The following DLX5 variants were observed in gnomAD, a reference collection of about 807,000 sequenced individuals.
DLX5 encodes homeobox protein DLX-5.
Under a neutral mutation model 27.1 loss-of-function variants are expected in DLX5, and 8 were observed. That is an observed-to-expected ratio of 0.30 (90% confidence interval 0.17 to 0.53). DLX5 has a LOEUF of 0.53. Among genes scored for constraint, DLX5 ranks in the 20% least tolerant of loss-of-function variants. The probability of loss-of-function intolerance (pLI) is 0.95; values close to 1 mark genes in which losing one functional copy is unlikely to be tolerated. For missense variants in DLX5, 339 were observed against 375.1 expected (o/e 0.90, Z 0.80); for synonymous variants, 178 against 161.9 (o/e 1.10, Z -0.75).
Position 97,020,565 on chromosome 7 carries a change from TA to T in DLX5, c.*170del. The T allele has an allele frequency of 7.5e-6, 5 of 665,538 alleles. No homozygotes were observed. The highest frequency in any genetic ancestry group is 9.1e-6 in the Non-Finnish European group (4 of 439,270). The allele number at this position is 665,538 out of a possible 1,614,324, so 41.2% of individuals were successfully genotyped here. On this transcript the variant is annotated 3_prime_UTR_variant, in exon 3 of 3. Coordinates refer to ENST00000648378, the MANE Select transcript of DLX5 (RefSeq NM_005221.6). Reference sequence around the variant, plus strand: ...ACAGTTGCGCAAAAAAAGTCCTCTGTAAAAAAAGGGGGGGTCTTTTGAAATG... The same window carrying T: ...ACAGTTGCGCAAAAAAAGTCCTCTGTAAAAAAGGGGGGGTCTTTTGAAATG...
rs372846518 is a variant in DLX5, at chr7:97,020,850, G to A, written c.756C>T (p.Tyr252=). The A allele has an allele frequency of 3.7e-6, 6 of 1,614,020 alleles. No individual in the cohort carries two copies. In the African/African-American group the frequency reaches 8.0e-5, roughly 22 times the overall value. The stretch of plus-strand genomic sequence containing the variant: ...TGTACCAGGATGCAGAGTTCTCCAG[G>A]TAGCTGGACGCTGGGGACTGGTTGG... ...PTSNQSPASS[Y]LENSASWYTS... Residue 252 remains tyrosine, a synonymous_variant, in exon 3 of 3, where the codon TAC becomes TAT. Transcript: ENST00000648378.
chr7:97,021,888 A>C, intron 2 of DLX5: 1 of 597,068 alleles, frequency 1.7e-6, no homozygotes, highest in Non-Finnish European at 3.0e-6. Context: ...GCCGCCCTAG[A>C]AATAACCCTC....
chr7:97,022,594 T>C, intron 1 of DLX5: 3 of 985,474 alleles, frequency 3.0e-6, no homozygotes, highest in Non-Finnish European at 3.6e-6. Flanking sequence ...TCAGATAGTT[T>C]GTGCAAAGCG....
intron 1 of DLX5, 84 bp from the exon 2 acceptor site, chr7:97,022,453 T>C (rs1405424806): frequency 1.3e-6 from 2 of 1,578,264 alleles, no homozygotes; most frequent in Non-Finnish European, 1.7e-6. Context: ...AGTCCTAGAG[T>C]TTCTTACCAC....
chr7:97,021,169 G>T, intron 2 of DLX5, 104 bp from the exon 3 acceptor site: 1 of 1,091,014 alleles, frequency 9.2e-7, no homozygotes, highest in Non-Finnish European at 1.3e-6. Flanking sequence ...GGGCGGCCCA[G>T]CCCTGCCTGG....
chr7:97,021,087 C>A, intron 2 of DLX5, 22 bp from the exon 3 acceptor site: 1 of 1,583,346 alleles, frequency 6.3e-7, no homozygotes, highest in South Asian at 1.2e-5. Flanking sequence ...AACAAAGGCA[C>A]ACGTTACCGG....
chr7:97,024,388 C>T lies in DLX5; in HGVS notation c.236G>A (p.Gly79Asp), dbSNP rs1790139575. 6.2e-7 allele frequency: 1 copy of T among 1,614,252 alleles called. No individual in the cohort carries two copies. The highest frequency in any genetic ancestry group is 2.2e-5 in the East Asian group (1 of 44,868). The change falls in exon 1 of 3, where the codon GGC (glycine) becomes GAC (aspartate). Residue 79 changes from glycine to aspartate, a missense_variant. Physicochemically the swap from Gly to Asp is moderately conservative, Grantham distance 94. This residue lies in a region of DLX5 where 188 missense variants were observed against 206.1 expected (regional missense o/e 0.91). Transcript: ENST00000648378. The surrounding 1 kb of genome is among the most constrained non-coding windows in gnomAD (Gnocchi z 4.6). ...ALNPYQYQYH[G>D]VNGSAGSYPA... ...GTAGCTCCCGGCGGAGCCGTTCACG[C>T]CGTGATACTGATACTGGTAGGGGTT...
At chr7:97,021,525 C>CTCCCT (rs1338603155) in intron 2 of DLX5, among the ~76,000 whole-genome samples, 1 of 152,206 alleles carries the variant, frequency 6.6e-6, no homozygotes, top group African/African-American at 2.4e-5. Context: ...TCCCGTCCTA[C>CTCCCT]TCCCTTCACT....
Position 97,024,393 on chromosome 7 carries a change from A to G in DLX5, c.231T>C (p.Tyr77=). The G allele has an allele frequency of 6.2e-7, 1 of 1,614,258 alleles. No individual in the cohort carries two copies. Among genetic ancestry groups the G allele is most frequent in the Non-Finnish European group, 8.5e-7 (1 of 1,180,054 alleles). The change falls in exon 1 of 3, where the codon TAT becomes TAC. Residue 77 remains tyrosine (Y), a synonymous_variant. Coordinates refer to ENST00000648378, the MANE Select transcript of DLX5 (RefSeq NM_005221.6). This position sits in a 1 kb window ranked among gnomAD's most constrained non-coding sequence, Gnocchi z 4.6. ...GKALNPYQYQ[Y]HGVNGSAGSY... is the part of the protein sequence containing the mutation. ...TCCCGGCGGAGCCGTTCACGCCGTG[A>G]TACTGATACTGGTAGGGGTTGAGAG...
rs764373529 is a variant in DLX5 at position 97,022,179 on chromosome 7, A to T, written c.540+6T>A. 6.2e-6 allele frequency: 10 copies of T among 1,613,854 alleles called. No homozygotes were observed. The highest frequency in any genetic ancestry group is 8.5e-6 in the Non-Finnish European group (10 of 1,180,044). ...CAGGTCTAGTGCATGGCAGCGCCGT[A>T]TTTACCTGTGTTTGTGTCAATCCCA... On this transcript the variant is annotated splice_donor_region_variant and intron_variant, in intron 2 of 2. Transcript: ENST00000648378.
At chr7:97,022,415 G>T (rs1204445750) in intron 1 of DLX5, 46 bp from the exon 2 acceptor site, 2 of 1,605,186 alleles carry the variant, frequency 1.2e-6, no homozygotes. Context: ...ACCAGACAAT[G>T]CCCCTTTTGC....
Position 97,024,510 on chromosome 7 carries a change from G to A in DLX5, c.114C>T (p.Pro38=). 1.2e-6 allele frequency: 2 copies of A among 1,614,234 alleles called. No individual in the cohort carries two copies. The highest frequency in any genetic ancestry group is 1.7e-6 in the Non-Finnish European group (2 of 1,180,036). ...HHPSQESPTL[P]ESSATDSDYY... Reference sequence around the variant, plus strand: ...AGTCAGAATCGGTAGCTGAAGACTCGGGCAAAGTTGGCGATTCCTGAGACG... The same window carrying A: ...AGTCAGAATCGGTAGCTGAAGACTCAGGCAAAGTTGGCGATTCCTGAGACG... The change falls in exon 1 of 3, where the codon CCC becomes CCT. Residue 38 remains proline, a synonymous_variant. Transcript: ENST00000648378. This position sits in a 1 kb window ranked among gnomAD's most constrained non-coding sequence, Gnocchi z 4.6.
chr7:97,023,927 A>G lies in DLX5; in HGVS notation c.355+342T>C, dbSNP rs557917155. 7.9e-5 allele frequency among the ~76,000 whole-genome samples: 12 copies of G among 152,148 alleles called. 1 individual carries two copies. The South Asian group carries it at 2.5e-3, about 32-fold the overall frequency. ...CAAGTAACCTTCTCTTTGTTACGCA[A>G]ACGCCAGGAGCTGCTTGATTCTTTC... On this transcript the variant is annotated intron_variant, in intron 1 of 2. Coordinates refer to ENST00000648378, the MANE Select transcript of DLX5 (RefSeq NM_005221.6).
intron 2 of DLX5, 44 bp downstream of exon 2, chr7:97,022,141 C>G (rs748080388): frequency 1.2e-6 from 2 of 1,612,028 alleles, no homozygotes; most frequent in South Asian, 2.2e-5. Flanking sequence ...CCCAACCAGA[C>G]GTGCAGCTCA....
In DLX5 at chr7:97,020,565, T is replaced by C; in HGVS notation, c.*171A>G. ...ACAGTTGCGCAAAAAAAGTCCTCTG[T>C]AAAAAAAGGGGGGGTCTTTTGAAAT... On this transcript the variant is annotated 3_prime_UTR_variant, in exon 3 of 3. Coordinates refer to ENST00000648378, the MANE Select transcript of DLX5 (RefSeq NM_005221.6). 3.0e-6 allele frequency: 2 copies of C among 665,554 alleles called. No individual in the cohort carries two copies. Among genetic ancestry groups the C allele is most frequent in the Non-Finnish European group, 4.6e-6 (2 of 439,286 alleles). 41.2% of individuals were successfully genotyped at this position (665,554 alleles called of 1,614,324 possible). A position where few individuals can be genotyped will look rare whatever the true frequency, so the allele number is the denominator to read the frequency against.
Position 97,022,209 on chromosome 7 carries a change from G to C in DLX5, c.516C>G (p.Ala172=), listed in dbSNP as rs751182245. The C allele has an allele frequency of 2.5e-6, 4 of 1,614,186 alleles. No individual in the cohort carries two copies. The highest frequency in any genetic ancestry group is 1.7e-5 in the Admixed American group (1 of 60,030). The stretch of plus-strand genomic sequence containing the variant: ...CCTGTGTTTGTGTCAATCCCAGCGA[G>C]GCGGCCAGCTCGGCGCGTTCCGGCA... ...LALPERAELA[A]SLGLTQTQVK... Residue 172 remains alanine (A), a synonymous_variant, in exon 2 of 3, where the codon GCC becomes GCG. Transcript: ENST00000648378.
chr7:97,021,926 C>G, intron 2 of DLX5: 1 of 603,442 alleles, frequency 1.7e-6, no homozygotes, highest in Non-Finnish European at 2.9e-6. Flanking sequence ...CGAAATTGGC[C>G]CCACAGCTCC....
rs1276398636 is a variant in DLX5, at chr7:97,024,827, C to T, written c.-204G>A. On this transcript the variant is annotated 5_prime_UTR_variant, in exon 1 of 3. Coordinates refer to ENST00000648378, the MANE Select transcript of DLX5 (RefSeq NM_005221.6). The surrounding 1 kb of genome is among the most constrained non-coding windows in gnomAD (Gnocchi z 4.6). Reference sequence around the variant, plus strand: ...GAAGTCTCTGTCTCCGGCCGGCTGACTGCTGGCTGAGGCGCAGCACAGCCT... The same window carrying T: ...GAAGTCTCTGTCTCCGGCCGGCTGATTGCTGGCTGAGGCGCAGCACAGCCT... 1.7e-6 allele frequency: 1 copy of T among 579,202 alleles called. No individual in the cohort carries two copies. Among genetic ancestry groups the T allele is most frequent in the Non-Finnish European group, 3.1e-6 (1 of 327,612 alleles). The allele number at this position is 579,202 out of a possible 1,614,324, so 35.9% of individuals were successfully genotyped here. A position where few individuals can be genotyped will look rare whatever the true frequency, so the allele number is the denominator to read the frequency against.
intron 1 of DLX5, among the ~76,000 whole-genome samples, chr7:97,023,337 GGTGTGTGTGTGTGT>G (rs10525881): frequency 1.6e-3 from 228 of 145,508 alleles, no homozygotes; most frequent in African/African-American, 5.4e-3. Context: ...ACCTCTCCAG[GGTGTGTGTGTGTGT>G]GTGTGTGTGT....
Sources: allele counts gnomAD v4.1 joint callset (sites outside exome capture counted in the v4.1 genomes callset), GRCh38; gene constraint gnomAD v4.1.1; regional missense constraint gnomAD v4.1.1; non-coding constraint Gnocchi (gnomAD v3.1); transcripts MANE v1.5; gene names NCBI Gene and HGNC (gene_info 2026-07-23, HGNC 2026-07-21).